TEPSIN: variants seen among roughly 807,000 people sequenced by gnomAD.
TEPSIN encodes the protein AP-4 complex accessory subunit tepsin.
In TEPSIN, 50 loss-of-function variants were observed where a neutral mutation model predicts 48.5. That is an observed-to-expected ratio of 1.03 (90% CI 0.82 to 1.31). The LOEUF (loss-of-function observed/expected upper bound fraction) is 1.31, where lower values mean the gene tolerates loss of function less well. Among genes scored for constraint, TEPSIN ranks in the 50% most tolerant of loss-of-function variants. The probability of loss-of-function intolerance (pLI) is 0.00; values close to 1 mark genes in which losing one functional copy is unlikely to be tolerated. For synonymous variants in TEPSIN, 392 were observed against 358.8 expected (o/e 1.09, Z -1.05); for missense variants, 838 against 815.9 (o/e 1.03, Z -0.33).
At chr17:81,229,519 T>C in intron 12 of TEPSIN, 43 bp from the exon 13 acceptor site, 2 of 1,541,578 alleles carry the variant, frequency 1.3e-6, no homozygotes, top group East Asian at 4.9e-5. Flanking sequence ...TATGCAACCC[T>C]GGGAAATGTG....
intron 1 of TEPSIN, chr17:81,237,672 G>C: frequency 1.6e-6 from 1 of 613,526 alleles, no homozygotes; most frequent in Non-Finnish European, 2.8e-6. Context: ...TCGGAGAAGA[G>C]GCAAATCAAT....
At position 81,230,673 on chromosome 17, in the gene TEPSIN, C is replaced by T. The variant is rs762112526; in HGVS notation, c.1104G>A (p.Ala368=). The T allele has an allele frequency of 1.9e-6, 3 of 1,547,326 alleles. No individual in the cohort carries two copies. The South Asian group carries it at 3.6e-5, about 19-fold the overall frequency. ...RGTSECTQLR[A]LCAIASLGSS... is the part of the protein sequence containing the mutation. Reference sequence around the variant, plus strand: ...TCCCCAGGGAGGCGATGGCACACAGCGCCCTCTGCGGGTGAAGGGAGGGGA... The same window carrying T: ...TCCCCAGGGAGGCGATGGCACACAGTGCCCTCTGCGGGTGAAGGGAGGGGA... The change falls in exon 12 of 13, where the codon GCG becomes GCA. Residue 368 remains alanine, a synonymous_variant. Transcript: ENST00000637944. The surrounding 1 kb of genome is among the most constrained non-coding windows in gnomAD (Gnocchi z 4.2).
chr17:81,237,861 G>A (rs2062753265), intron 1 of TEPSIN: 1 of 618,274 alleles, frequency 1.6e-6, no homozygotes, highest in Non-Finnish European at 2.1e-6. Flanking sequence ...ACTATGAATC[G>A]TTCCACCTCC....
intron 2 of TEPSIN, 83 bp downstream of exon 2, chr17:81,237,304 C>T (rs2062740761): frequency 1.4e-6 from 2 of 1,465,822 alleles, no homozygotes; most frequent in African/African-American, 1.4e-5. Flanking sequence ...CTAGGGACAG[C>T]AGAATCCCCA....
At position 81,233,230 on chromosome 17, in the gene TEPSIN, A is replaced by T; in HGVS notation, c.526+202T>A. 1.6e-6 allele frequency: 1 copy of T among 634,338 alleles called. No homozygotes were observed. The highest frequency in any genetic ancestry group is 3.1e-5 in the Admixed American group (1 of 32,464). The allele number at this position is 634,338 out of a possible 1,614,324, so 39.3% of individuals were successfully genotyped here. On this transcript the variant is annotated intron_variant, in intron 7 of 12. Transcript: ENST00000637944. This position sits in a 1 kb window ranked among gnomAD's most constrained non-coding sequence, Gnocchi z 5.8. ...CCTGGTTTCTCTCATCTGTCCATAA[A>T]GCAGCCCTGGCCACACCTGCCCCAC...
At chr17:81,232,860 T>C (rs2062646017) in intron 7 of TEPSIN, 1 of 283,220 alleles carries the variant, frequency 3.5e-6, no homozygotes, top group Non-Finnish European at 6.6e-6. Flanking sequence ...GCCTTTCCTG[T>C]GTGAGTTCCC....
chr17:81,232,522 T>C lies in TEPSIN; in HGVS notation c.527-4A>G, dbSNP rs532769277. ...AGGAAGGCTTCGCCTGCCGAGCCTGTACCCGAGGAGAGGGAGATGGGACGG... is the reference window on the plus strand; with the variant it reads ...AGGAAGGCTTCGCCTGCCGAGCCTGCACCCGAGGAGAGGGAGATGGGACGG... On this transcript the variant is annotated splice_region_variant and splice_polypyrimidine_tract_variant and intron_variant, in intron 7 of 12. Coordinates refer to ENST00000637944, the MANE Select transcript of TEPSIN (RefSeq NM_001363764.2). 2.0e-6 allele frequency: 3 copies of C among 1,529,160 alleles called. No individual in the cohort carries two copies. Among genetic ancestry groups the C allele is most frequent in the South Asian group, 2.4e-5 (2 of 83,830 alleles). 94.7% of individuals were successfully genotyped at this position (1,529,160 alleles called of 1,614,324 possible). A position where few individuals can be genotyped will look rare whatever the true frequency, so the allele number is the denominator to read the frequency against.
chr17:81,233,803 C>G lies in TEPSIN; in HGVS notation c.376-87G>C. On this transcript the variant is annotated intron_variant, in intron 5 of 12. Transcript: ENST00000637944. This position sits in a 1 kb window ranked among gnomAD's most constrained non-coding sequence, Gnocchi z 5.8. The stretch of plus-strand genomic sequence containing the variant: ...CACCCATATCAGCTCCGTTCTGTCC[C>G]CCGGACACTTCTCCTGAGCCACTCA... The G allele has an allele frequency of 7.0e-7, 1 of 1,430,718 alleles. No homozygotes were observed. Among genetic ancestry groups the G allele is most frequent in the Non-Finnish European group, 9.4e-7 (1 of 1,064,232 alleles). 88.6% of individuals were successfully genotyped at this position (1,430,718 alleles called of 1,614,324 possible).
At chr17:81,229,574 C>T (rs935438836) in intron 12 of TEPSIN, 98 bp from the exon 13 acceptor site, 1 of 1,334,484 alleles carries the variant, frequency 7.5e-7, no homozygotes, top group African/African-American at 1.5e-5. Context: ...AGTCCCTCCA[C>T]CCAGAGGGCA....
intron 2 of TEPSIN, 63 bp from the exon 3 acceptor site, chr17:81,237,134 C>T (rs1441104233): frequency 6.7e-7 from 1 of 1,491,890 alleles, no homozygotes; most frequent in African/African-American, 1.4e-5. Flanking sequence ...CGCAGGGAGA[C>T]CAGGCCATGG....
rs117741478 is a variant in TEPSIN at position 81,235,706 on chromosome 17, T to C, written c.307+1002A>G. 6.5e-3 allele frequency among the ~76,000 whole-genome samples: 988 copies of C among 152,002 alleles called. 7 individuals are homozygous for C. Among genetic ancestry groups the C allele is most frequent in the Middle Eastern group, 0.01 (3 of 294 alleles). On this transcript the variant is annotated intron_variant, in intron 4 of 12. Transcript: ENST00000637944. ...GCCCGGGGCCCTCTGGCCCGCTGAA[T>C]GGTGAGGATAAATGGCTGGTGCTGC...
In TEPSIN at chr17:81,233,355, G is replaced by A. The variant is rs1328597442; in HGVS notation, c.526+77C>T. ...GGGGACAGCAGCTACTAGATGGGGCGGCATGGTCCGGCCCCCACCACCTCC... is the reference window on the plus strand; with the variant it reads ...GGGGACAGCAGCTACTAGATGGGGCAGCATGGTCCGGCCCCCACCACCTCC... On this transcript the variant is annotated intron_variant, in intron 7 of 12. Coordinates refer to ENST00000637944, the MANE Select transcript of TEPSIN (RefSeq NM_001363764.2). This position sits in a 1 kb window ranked among gnomAD's most constrained non-coding sequence, Gnocchi z 5.8. The A allele has an allele frequency of 9.2e-6, 14 of 1,518,614 alleles. No homozygotes were observed. Among genetic ancestry groups the A allele is most frequent in the African/African-American group, 6.8e-5 (5 of 73,036 alleles). The allele number at this position is 1,518,614 out of a possible 1,614,324, so 94.1% of individuals were successfully genotyped here.
chr17:81,229,526 T>C, intron 12 of TEPSIN, 50 bp from the exon 13 acceptor site: 5 of 1,535,866 alleles, frequency 3.3e-6, no homozygotes, highest in East Asian at 2.5e-5. Context: ...CCCTGGGAAA[T>C]GTGGGGACCA....
chr17:81,234,061 A>T lies in TEPSIN; in HGVS notation c.308-13T>A. On this transcript the variant is annotated splice_polypyrimidine_tract_variant and intron_variant, in intron 4 of 12. Coordinates refer to ENST00000637944, the MANE Select transcript of TEPSIN (RefSeq NM_001363764.2). The surrounding 1 kb of genome is among the most constrained non-coding windows in gnomAD (Gnocchi z 5.4). ...GGCCCTGCAAAAGCTGCAGAACAGA[A>T]AAGGCAAGTCGGGGGCAGGGCTGAG... 6.3e-7 allele frequency: 1 copy of T among 1,581,944 alleles called. No individual in the cohort carries two copies.
chr17:81,234,196 G>T lies in TEPSIN; in HGVS notation c.308-148C>A. 1 of 619,290 alleles carries T rather than the reference G, an allele frequency of 1.6e-6. No homozygotes were observed. Among genetic ancestry groups the T allele is most frequent in the African/African-American group, 1.9e-5 (1 of 52,048 alleles). 38.4% of individuals were successfully genotyped at this position (619,290 alleles called of 1,614,324 possible). A position where few individuals can be genotyped will look rare whatever the true frequency, so the allele number is the denominator to read the frequency against. On this transcript the variant is annotated intron_variant, in intron 4 of 12. Transcript: ENST00000637944. This position sits in a 1 kb window ranked among gnomAD's most constrained non-coding sequence, Gnocchi z 5.4. ...CAGCCAATGGGATGCCCTCCTCCAGGACCCTGCAGAGGCCACACCTGAGCA... is the reference window on the plus strand; with the variant it reads ...CAGCCAATGGGATGCCCTCCTCCAGTACCCTGCAGAGGCCACACCTGAGCA...
At position 81,230,889 on chromosome 17, in the gene TEPSIN, C is replaced by CG; in HGVS notation, c.1099-212dup. On this transcript the variant is annotated intron_variant, in intron 11 of 12. Coordinates refer to ENST00000637944, the MANE Select transcript of TEPSIN (RefSeq NM_001363764.2). The surrounding 1 kb of genome is among the most constrained non-coding windows in gnomAD (Gnocchi z 4.2). ...CCCTGTCCTCACCACCTTACACCCC[C>CG]GCTCCCAGACACCAGAGCCCTGTCT... 1.8e-6 allele frequency: 1 copy of CG among 557,892 alleles called. No individual in the cohort carries two copies. 34.6% of individuals were successfully genotyped at this position (557,892 alleles called of 1,614,324 possible).
At position 81,229,888 on chromosome 17, in the gene TEPSIN, T is replaced by C. The variant is rs1042394046; in HGVS notation, c.1234-412A>G. 9 of 227,864 alleles carry C rather than the reference T, an allele frequency of 3.9e-5. No individual in the cohort carries two copies. In the South Asian group the frequency reaches 5.6e-4, roughly 14 times the overall value. The allele number at this position is 227,864 out of a possible 1,614,324, so 14.1% of individuals were successfully genotyped here. On this transcript the variant is annotated intron_variant, in intron 12 of 12. Transcript: ENST00000637944. Reference sequence around the variant, plus strand: ...ACCCCACTATGAGGTTCGCCTGCGGTGGTGCGAACCCCAGGCTCACTCGTC... The same window carrying C: ...ACCCCACTATGAGGTTCGCCTGCGGCGGTGCGAACCCCAGGCTCACTCGTC...
At position 81,228,429 on chromosome 17, in the gene TEPSIN, TAGGG is replaced by T; in HGVS notation, c.*495_*498del. 8.0e-5 allele frequency: 16 copies of T among 199,184 alleles called. No homozygotes were observed. The highest frequency in any genetic ancestry group is 2.3e-4 in the South Asian group (3 of 13,038). The allele number at this position is 199,184 out of a possible 1,614,324, so 12.3% of individuals were successfully genotyped here. On this transcript the variant is annotated 3_prime_UTR_variant, in exon 13 of 13. Coordinates refer to ENST00000637944, the MANE Select transcript of TEPSIN (RefSeq NM_001363764.2). Reference sequence around the variant, plus strand: ...AGGTGAGAGCCAGGGAAGGATCACGTAGGGATCTGAGACTTGAAATGGCCTCAGG... The same window carrying T: ...AGGTGAGAGCCAGGGAAGGATCACGTATCTGAGACTTGAAATGGCCTCAGG...
At chr17:81,237,588 G>A (rs2062747717) in intron 1 of TEPSIN, 129 bp from the exon 2 acceptor site, 1 of 991,894 alleles carries the variant, frequency 1.0e-6, no homozygotes, top group Non-Finnish European at 1.5e-6. Flanking sequence ...GGACTGGGAA[G>A]GGATGAGAAC....
Sources: gnomAD v4.1 joint callset for allele counts (sites outside exome capture counted in the v4.1 genomes callset) on GRCh38, gnomAD v4.1.1 for gene constraint, Gnocchi (gnomAD v3.1) non-coding constraint, MANE v1.5 for transcripts, NCBI Gene and HGNC (gene_info 2026-07-23, HGNC 2026-07-21) for gene names.